The following TNKS variants were observed in gnomAD, a reference collection of about 807,000 sequenced individuals.
TNKS encodes tankyrase.
In TNKS, 72 loss-of-function variants were observed where a neutral mutation model predicts 135.8. That is an observed-to-expected ratio of 0.53 (90% CI 0.44 to 0.64). The LOEUF is 0.64. Ranked by LOEUF, TNKS falls within the 30% of genes least tolerant of loss-of-function variation. TNKS has a pLI of 0.00. For synonymous variants in TNKS, 849 were observed against 649.3 expected (o/e 1.31, Z -4.68); for missense variants, 1,769 against 1,674.0 (o/e 1.06, Z -0.99).
chr8:9,757,568 C>T (rs1806906528), intron 20 of TNKS, among the ~76,000 whole-genome samples: 1 of 152,136 alleles, frequency 6.6e-6, no homozygotes. Context: ...TCATCTCCTT[C>T]CTGCTCCTTC....
At chr8:9,656,533 G>A (rs528250084) in intron 3 of TNKS, among the ~76,000 whole-genome samples, 41 of 152,126 alleles carry the variant, frequency 2.7e-4, no homozygotes, top group Middle Eastern at 3.4e-3. Flanking sequence ...CAGACTAACA[G>A]CTGATCTCTC....
chr8:9,774,371 A>G (rs941644108), intron 26 of TNKS, among the ~76,000 whole-genome samples: 3 of 152,350 alleles, frequency 2.0e-5, no homozygotes, highest in African/African-American at 7.2e-5. Context: ...CCTCACCTCT[A>G]TGAGACATAA....
rs546002354 is a variant in TNKS at position 9,585,489 on chromosome 8, G to A, written c.898+5106G>A. On this transcript the variant is annotated intron_variant, in intron 2 of 26. Transcript: ENST00000310430. ...TGAGAAAAGATAAACTGAGTAAGAT[G>A]TATATTGCACTTTTCCAGAAAGAAG... Among the ~76,000 whole-genome samples the A allele has an allele frequency of 4.6e-5, 7 of 152,250 alleles. No homozygotes were observed. In the East Asian group the frequency reaches 9.6e-4, roughly 21 times the overall value.
chr8:9,688,645 C>A (rs1178835630), intron 5 of TNKS, among the ~76,000 whole-genome samples: 1 of 151,800 alleles, frequency 6.6e-6, no homozygotes, highest in Non-Finnish European at 1.5e-5. Context: ...CTTTTCTTTT[C>A]TTTTTTTCTT....
intron 3 of TNKS, among the ~76,000 whole-genome samples, chr8:9,664,468 G>T (rs1417259412): frequency 1.3e-5 from 2 of 152,152 alleles, no homozygotes; most frequent in African/African-American, 4.8e-5. Flanking sequence ...CCAACATTGG[G>T]CATCCAATTT....
intron 5 of TNKS, among the ~76,000 whole-genome samples, chr8:9,688,346 C>T (rs148836301): frequency 1.5e-3 from 228 of 152,130 alleles, no homozygotes; most frequent in East Asian, 6.2e-3. Context: ...TGAGAAATGG[C>T]AAAAAGAAAG....
chr8:9,568,975 G>C (rs777322660), intron 1 of TNKS, among the ~76,000 whole-genome samples: 2 of 152,150 alleles, frequency 1.3e-5, no homozygotes, highest in Admixed American at 6.5e-5. Context: ...GAAAATATTG[G>C]TTCTTGAAGC....
At chr8:9,731,241 C>T (rs926431785) in intron 14 of TNKS, among the ~76,000 whole-genome samples, 2 of 152,076 alleles carry the variant, frequency 1.3e-5, no homozygotes, top group African/African-American at 4.8e-5. Flanking sequence ...GGGCAGATCA[C>T]CTGAGATCAG....
At chr8:9,713,548 C>T (rs1329481726) in intron 11 of TNKS, among the ~76,000 whole-genome samples, 1 of 152,164 alleles carries the variant, frequency 6.6e-6, no homozygotes, top group African/African-American at 2.4e-5. Flanking sequence ...ATTACTAGCC[C>T]TGTCAATGAC....
chr8:9,744,750 T>G (rs1806149680), intron 17 of TNKS, among the ~76,000 whole-genome samples: 1 of 152,220 alleles, frequency 6.6e-6, no homozygotes, highest in African/African-American at 2.4e-5. Context: ...TGTAGCTATT[T>G]AAAAGAATTA....
intron 18 of TNKS, 39 bp downstream of exon 18, chr8:9,748,251 A>C (rs113022912): frequency 3.3e-5 from 46 of 1,398,818 alleles, no homozygotes; most frequent in Non-Finnish European, 3.8e-5. Flanking sequence ...TGTTCCTTCT[A>C]CTTTCACAGA....
chr8:9,708,719 T>C (rs574987510), intron 9 of TNKS, among the ~76,000 whole-genome samples: 60 of 152,284 alleles, frequency 3.9e-4, no homozygotes, highest in Non-Finnish European at 7.5e-4. Flanking sequence ...ATTTTACCTT[T>C]GTCTTCCCCA....
chr8:9,594,776 A>G (rs749845717), intron 2 of TNKS, among the ~76,000 whole-genome samples: 2 of 152,332 alleles, frequency 1.3e-5, no homozygotes, highest in South Asian at 2.1e-4. Context: ...TATAAAGAAT[A>G]TCCTTTTCAT....
chr8:9,764,185 T>G (rs1393165742), intron 22 of TNKS, among the ~76,000 whole-genome samples: 1 of 152,152 alleles, frequency 6.6e-6, no homozygotes, highest in African/African-American at 2.4e-5. Context: ...TTCTTTTCCA[T>G]AATTATTTTT....
intron 11 of TNKS, among the ~76,000 whole-genome samples, chr8:9,716,440 C>T (rs962250992): frequency 6.6e-6 from 1 of 152,054 alleles, no homozygotes; most frequent in Non-Finnish European, 1.5e-5. Context: ...TTTTAGTTCT[C>T]AGTAACAAAC....
chr8:9,719,594 G>T (rs1804770807), intron 11 of TNKS, among the ~76,000 whole-genome samples: 1 of 152,136 alleles, frequency 6.6e-6, no homozygotes, highest in African/African-American at 2.4e-5. Flanking sequence ...ATCTACACTG[G>T]ATCTCAGGAG....
rs1797670248 is a variant in TNKS at position 9,569,279 on chromosome 8, A to G, written c.674-10880A>G. 2.0e-5 allele frequency among the ~76,000 whole-genome samples: 3 copies of G among 152,212 alleles called. No homozygotes were observed. In the South Asian group the frequency reaches 6.2e-4, roughly 31 times the overall value. Reference sequence around the variant, plus strand: ...CTTAGTGTGGACATAGCTCCATAGCACACACACATCATAAGTGTACCGGGA... The same window carrying G: ...CTTAGTGTGGACATAGCTCCATAGCGCACACACATCATAAGTGTACCGGGA... On this transcript the variant is annotated intron_variant, in intron 1 of 26. Transcript: ENST00000310430.
chr8:9,591,731 T>C (rs557570624), intron 2 of TNKS, among the ~76,000 whole-genome samples: 24 of 152,260 alleles, frequency 1.6e-4, no homozygotes, highest in Non-Finnish European at 3.1e-4. Context: ...CTTAATGGTA[T>C]CTGTATACAG....
chr8:9,622,085 T>C (rs1409107482), intron 3 of TNKS, among the ~76,000 whole-genome samples: 2 of 152,224 alleles, frequency 1.3e-5, no homozygotes, highest in Non-Finnish European at 2.9e-5. Context: ...TAAAGTTTTA[T>C]ATTAAACGTG....
Sources: gnomAD v4.1 joint callset for allele counts (sites outside exome capture counted in the v4.1 genomes callset) on GRCh38, gnomAD v4.1.1 for gene constraint, MANE v1.5 for transcripts, NCBI Gene and HGNC (gene_info 2026-07-23, HGNC 2026-07-21) for gene names.